Variants in RBFOX1 observed in about 807,000 individuals in gnomAD.
RBFOX1 encodes the protein RNA binding fox-1 homolog 1, also known as RNA binding protein fox-1 homolog 1.
RBFOX1 carries 8 observed loss-of-function variants against 57.7 expected under a neutral mutation model. The observed-to-expected ratio is 0.14, with a 90% CI of 0.08 to 0.25. The LOEUF is 0.25. RBFOX1 is among the 10% of genes least tolerant of loss of function. The probability of loss-of-function intolerance (pLI) is 1.00; values close to 1 mark genes in which losing one functional copy is unlikely to be tolerated. For missense variants in RBFOX1, 611 were observed against 548.5 expected, an observed-to-expected ratio of 1.11 and a Z score of -1.14; for synonymous variants, 326 against 222.4, an observed-to-expected ratio of 1.47 and a Z score of -4.15.
At chr16:5,537,244 G>T (rs1453326541) in intron 2 of RBFOX1, among the ~76,000 whole-genome samples, 1 of 152,144 alleles carries the variant, frequency 6.6e-6, no homozygotes, top group Non-Finnish European at 1.5e-5. Flanking sequence ...AGCTTCTTCT[G>T]TCACGGTTCT....
chr16:6,865,346 A>T (rs2059740471), intron 3 of RBFOX1, among the ~76,000 whole-genome samples: 1 of 152,234 alleles, frequency 6.6e-6, no homozygotes, highest in Non-Finnish European at 1.5e-5. Context: ...CTTGAATAAT[A>T]TGTGTTCATT....
chr16:7,279,892 T>G (rs1388047954), intron 4 of RBFOX1, among the ~76,000 whole-genome samples: 1 of 152,196 alleles, frequency 6.6e-6, no homozygotes, highest in Non-Finnish European at 1.5e-5. Context: ...AAATTGATCA[T>G]TGGCTCATTA....
At chr16:5,857,337 A>G (rs1333369706) in intron 3 of RBFOX1, among the ~76,000 whole-genome samples, 1 of 152,184 alleles carries the variant, frequency 6.6e-6, no homozygotes, top group Non-Finnish European at 1.5e-5. Context: ...AACAGATGTA[A>G]TAATCATGAA....
intron 1 of RBFOX1, among the ~76,000 whole-genome samples, chr16:6,077,658 C>G (rs1013740289): frequency 1.3e-5 from 2 of 149,728 alleles, no homozygotes; most frequent in African/African-American, 4.9e-5. Flanking sequence ...CCCCTGCGCT[C>G]TTGCGTCAAC....
At chr16:6,239,360 A>G (rs946654322) in intron 1 of RBFOX1, among the ~76,000 whole-genome samples, 2 of 151,934 alleles carry the variant, frequency 1.3e-5, no homozygotes, top group Non-Finnish European at 2.9e-5. Flanking sequence ...GGGAGAGTAT[A>G]TGGTCAGTAA....
chr16:5,910,776 T>C (rs902309424), intron 4 of RBFOX1, among the ~76,000 whole-genome samples: 1 of 152,200 alleles, frequency 6.6e-6, no homozygotes, highest in African/African-American at 2.4e-5. Context: ...TTTGTTTGTT[T>C]GTTTTTGCCC....
chr16:6,934,778 T>G (rs1289332935), intron 3 of RBFOX1, among the ~76,000 whole-genome samples: 1 of 152,118 alleles, frequency 6.6e-6, no homozygotes, highest in Admixed American at 6.6e-5. Context: ...GGCCACGCTT[T>G]GTGTATCACT....
At chr16:7,206,723 C>T (rs1477806403) in intron 4 of RBFOX1, among the ~76,000 whole-genome samples, 6 of 152,034 alleles carry the variant, frequency 3.9e-5, no homozygotes, top group Admixed American at 1.3e-4. Flanking sequence ...CAAACAGATG[C>T]CGACGACATT....
At chr16:6,982,099 G>GC (rs1334983390) in intron 3 of RBFOX1, among the ~76,000 whole-genome samples, 1 of 151,988 alleles carries the variant, frequency 6.6e-6, no homozygotes, top group Non-Finnish European at 1.5e-5. Flanking sequence ...CAAGAATGTG[G>GC]CCCCCGCACC....
At chr16:6,404,111 C>A (rs772854728) in intron 2 of RBFOX1, among the ~76,000 whole-genome samples, 2 of 152,146 alleles carry the variant, frequency 1.3e-5, no homozygotes, top group Non-Finnish European at 2.9e-5. Flanking sequence ...TGGAGTCAAC[C>A]AACCACAGAT....
chr16:6,829,600 CT>C (rs1567448086), intron 3 of RBFOX1, among the ~76,000 whole-genome samples: 1 of 151,302 alleles, frequency 6.6e-6, no homozygotes, highest in African/African-American at 2.4e-5. Context: ...AATGTATTTT[CT>C]TTTTTCTTTT....
At chr16:6,452,185 T>C (rs1173328506) in intron 2 of RBFOX1, among the ~76,000 whole-genome samples, 1 of 148,540 alleles carries the variant, frequency 6.7e-6, no homozygotes, top group Non-Finnish European at 1.5e-5. Context: ...CTTCCTTCCA[T>C]GACTCCACCC....
intron 3 of RBFOX1, among the ~76,000 whole-genome samples, chr16:6,859,391 C>G (rs1038154948): frequency 6.6e-6 from 1 of 151,478 alleles, no homozygotes; most frequent in African/African-American, 2.4e-5. Flanking sequence ...CGCTTTTGCC[C>G]ATACTTGGCT....
At chr16:6,089,598 A>C (rs1222483971) in intron 1 of RBFOX1, among the ~76,000 whole-genome samples, 1 of 152,194 alleles carries the variant, frequency 6.6e-6, no homozygotes, top group Admixed American at 6.5e-5. Context: ...TTTGAATGCA[A>C]ATATTGCTGG....
intron 4 of RBFOX1, among the ~76,000 whole-genome samples, chr16:7,406,583 A>G (rs1454751822): frequency 1.3e-5 from 2 of 152,188 alleles, no homozygotes; most frequent in African/African-American, 4.8e-5. Context: ...AAAAAATACA[A>G]ACTTTCCGGA....
chr16:6,329,237 T>C (rs2082725039), intron 2 of RBFOX1, among the ~76,000 whole-genome samples: 1 of 152,240 alleles, frequency 6.6e-6, no homozygotes, highest in South Asian at 2.1e-4. Context: ...GTGGAAGTTT[T>C]GCTTATGGGC....
At chr16:6,478,429 A>ATATTTTTTTTT (rs1159954387) in intron 2 of RBFOX1, among the ~76,000 whole-genome samples, 2 of 24,628 alleles carry the variant, frequency 8.1e-5, no homozygotes, top group Non-Finnish European at 1.6e-4. Flanking sequence ...ATATATATAT[A>ATATTTTTTTTT]TTTTTTTTTT....
Position 7,464,573 on chromosome 16 carries a change from G to A in RBFOX1, c.28-53574G>A, listed in dbSNP as rs567980512. ...CTACAAGCTATTGTTAAAAATCCCT[G>A]AGTGTTTGGCTCTCCATTTCGTCTT... On this transcript the variant is annotated intron_variant, in intron 4 of 15. Transcript: ENST00000550418. 2.6e-4 allele frequency among the ~76,000 whole-genome samples: 39 copies of A among 151,896 alleles called. 1 individual carries two copies. The South Asian group carries it at 7.7e-3, about 30-fold the overall frequency.
intron 3 of RBFOX1, among the ~76,000 whole-genome samples, chr16:6,908,934 G>A (rs1177852126): frequency 6.6e-6 from 1 of 152,066 alleles, no homozygotes; most frequent in Non-Finnish European, 1.5e-5. Flanking sequence ...GGATAATTTG[G>A]CATAATCTGT....
Sources: allele counts gnomAD v4.1 joint callset (sites outside exome capture counted in the v4.1 genomes callset), GRCh38; gene constraint gnomAD v4.1.1; transcripts MANE v1.5; gene names NCBI Gene and HGNC (gene_info 2026-07-23, HGNC 2026-07-21).